The following PRKG1 variants were observed in gnomAD, a reference collection of about 807,000 sequenced individuals.
The protein encoded by PRKG1 is protein kinase cGMP-dependent 1.
Under a neutral mutation model 88.1 loss-of-function variants are expected in PRKG1, and 35 were observed. The ratio of observed to expected loss-of-function variants is 0.40; its 90% CI spans 0.30 to 0.53. The LOEUF (loss-of-function observed/expected upper bound fraction) is 0.53. PRKG1 is among the 20% of genes least tolerant of loss of function. The pLI is 0.59. For missense variants in PRKG1, 540 were observed against 839.8 expected (o/e 0.64, Z 4.41); for synonymous variants, 303 against 292.5 (o/e 1.04, Z -0.37).
intron 2 of PRKG1, among the ~76,000 whole-genome samples, chr10:51,400,688 C>T (rs190317982): frequency 5.3e-5 from 8 of 152,288 alleles, no homozygotes; most frequent in African/African-American, 1.2e-4. Flanking sequence ...TTGAAACTCC[C>T]GGCACAAATG....
At chr10:51,623,829 G>A (rs891841192) in intron 3 of PRKG1, among the ~76,000 whole-genome samples, 3 of 152,112 alleles carry the variant, frequency 2.0e-5, no homozygotes, top group Non-Finnish European at 1.5e-5. Flanking sequence ...ACGCCCTGAA[G>A]CTGGTGATCA....
At chr10:51,318,172 A>G (rs1841369584) in intron 2 of PRKG1, among the ~76,000 whole-genome samples, 1 of 152,164 alleles carries the variant, frequency 6.6e-6, no homozygotes, top group South Asian at 2.1e-4. Context: ...AGACTGTGGC[A>G]TGGTAGGCAT....
At chr10:51,734,675 C>A (rs943175516) in intron 3 of PRKG1, among the ~76,000 whole-genome samples, 1 of 152,108 alleles carries the variant, frequency 6.6e-6, no homozygotes, top group African/African-American at 2.4e-5. Context: ...GATGGTAGGT[C>A]AAGATAAACA....
intron 8 of PRKG1, among the ~76,000 whole-genome samples, chr10:52,160,186 C>T (rs1441285121): frequency 6.6e-6 from 1 of 151,976 alleles, no homozygotes; most frequent in Non-Finnish European, 1.5e-5. Flanking sequence ...TCTCTAAACT[C>T]GGACTCCCTC....
chr10:51,305,000 A>G (rs913757495), intron 2 of PRKG1, among the ~76,000 whole-genome samples: 1 of 152,138 alleles, frequency 6.6e-6, no homozygotes, highest in African/African-American at 2.4e-5. Context: ...ATGTGCTGCT[A>G]GAAAATGAAG....
intron 6 of PRKG1, among the ~76,000 whole-genome samples, chr10:52,058,707 T>C (rs1336267238): frequency 6.6e-6 from 1 of 152,034 alleles, no homozygotes; most frequent in African/African-American, 2.4e-5. Flanking sequence ...CATAAAGCTA[T>C]AAAACTTTCA....
At chr10:51,660,925 C>T (rs1051927080) in intron 3 of PRKG1, among the ~76,000 whole-genome samples, 4 of 151,952 alleles carry the variant, frequency 2.6e-5, no homozygotes, top group African/African-American at 9.7e-5. Flanking sequence ...TAATATAGTC[C>T]TCTATTTTTA....
At chr10:51,177,733 A>G (rs1268167906) in intron 2 of PRKG1, among the ~76,000 whole-genome samples, 1 of 152,052 alleles carries the variant, frequency 6.6e-6, no homozygotes, top group Non-Finnish European at 1.5e-5. Context: ...TTCCTGATGT[A>G]TATGTTATGC....
chr10:51,622,969 C>T (rs567782517), intron 3 of PRKG1, among the ~76,000 whole-genome samples: 1 of 152,320 alleles, frequency 6.6e-6, no homozygotes, highest in South Asian at 2.1e-4. Flanking sequence ...ACATGATTAG[C>T]TCTGTAAATG....
intron 1 of PRKG1, among the ~76,000 whole-genome samples, chr10:51,043,541 A>T (rs1303959778): frequency 5.3e-5 from 8 of 152,126 alleles, no homozygotes; most frequent in Admixed American, 3.9e-4. Flanking sequence ...ATACAATATG[A>T]CAATTTCTAG....
intron 2 of PRKG1, among the ~76,000 whole-genome samples, chr10:51,420,377 TG>T (rs1838375396): frequency 6.6e-6 from 1 of 152,166 alleles, no homozygotes; most frequent in Non-Finnish European, 1.5e-5. Flanking sequence ...CAGAATTTGT[TG>T]GGACTCCAGA....
chr10:51,648,536 C>T (rs17626982), intron 3 of PRKG1, among the ~76,000 whole-genome samples: 5,935 of 152,166 alleles, frequency 0.039, 161 homozygotes, highest in Middle Eastern at 0.075. Context: ...CACTAATCTT[C>T]GCAGTGTTCC....
chr10:51,406,241 C>T (rs2132677119), intron 2 of PRKG1, among the ~76,000 whole-genome samples: 1 of 152,338 alleles, frequency 6.6e-6, no homozygotes. Flanking sequence ...TCTCCCTGCT[C>T]ATTCAAGAGC....
chr10:52,010,356 G>A (rs1050559542), intron 5 of PRKG1, among the ~76,000 whole-genome samples: 2 of 152,062 alleles, frequency 1.3e-5, no homozygotes, highest in Non-Finnish European at 2.9e-5. Flanking sequence ...AGTGGGCAAA[G>A]GACATAAACA....
chr10:51,607,248 G>A (rs1343478245), intron 3 of PRKG1, among the ~76,000 whole-genome samples: 1 of 152,202 alleles, frequency 6.6e-6, no homozygotes, highest in African/African-American at 2.4e-5. Flanking sequence ...CTATGCATGG[G>A]CAGAGAGGTA....
intron 1 of PRKG1, among the ~76,000 whole-genome samples, chr10:51,053,004 T>C (rs1843583561): frequency 6.6e-6 from 1 of 152,008 alleles, no homozygotes; most frequent in South Asian, 2.1e-4. Flanking sequence ...TCAAAGTGGG[T>C]TGATCACCAG....
rs368075030 is a variant in PRKG1, at chr10:52,223,791, C to G, written c.1077-27779C>G. ...CCTATTTTACTAAAAAGAACTCCAT[C>G]CTTCCCATTCATGAGGCTCAAAATT... On this transcript the variant is annotated intron_variant, in intron 9 of 17. Transcript: ENST00000373980. Among the ~76,000 whole-genome samples the G allele has an allele frequency of 7.9e-5, 12 of 152,248 alleles. No individual in the cohort carries two copies. In the East Asian group the frequency reaches 9.6e-4, roughly 12 times the overall value.
chr10:51,767,188 A>G (rs957006616), intron 3 of PRKG1, among the ~76,000 whole-genome samples: 1 of 152,156 alleles, frequency 6.6e-6, no homozygotes, highest in East Asian at 1.9e-4. Flanking sequence ...CCCATACCAC[A>G]AGATTCTCAT....
chr10:51,370,789 G>T (rs1449400037), intron 2 of PRKG1, among the ~76,000 whole-genome samples: 1 of 151,844 alleles, frequency 6.6e-6, no homozygotes, highest in African/African-American at 2.4e-5. Flanking sequence ...TTTTACATGA[G>T]GTTTTTTTTC....
Sources: allele counts gnomAD v4.1 joint callset (sites outside exome capture counted in the v4.1 genomes callset), GRCh38; gene constraint gnomAD v4.1.1; transcripts MANE v1.5; gene names NCBI Gene and HGNC (gene_info 2026-07-23, HGNC 2026-07-21).